Variants in FKBP8 observed in about 807,000 individuals in gnomAD.
FKBP8 encodes FKBP prolyl isomerase 8.
Under a neutral mutation model 41.7 loss-of-function variants are expected in FKBP8, and 5 were observed. The observed-to-expected ratio is 0.12, with a 90% CI of 0.06 to 0.25. The LOEUF (loss-of-function observed/expected upper bound fraction) is 0.25. FKBP8 is among the 10% of genes least tolerant of loss of function. The pLI is 1.00. For missense variants in FKBP8, 397 were observed against 563.0 expected, an observed-to-expected ratio of 0.71 and a Z score of 2.98; for synonymous variants, 279 against 254.5, an observed-to-expected ratio of 1.10 and a Z score of -0.92.
rs1976534694 is a variant in FKBP8 at position 18,534,838 on chromosome 19, AGTGCAGTGGCACGATCT to A, written c.946-1508_946-1492del. Among the ~76,000 whole-genome samples the A allele has an allele frequency of 3.0e-4, 46 of 152,214 alleles. 1 individual carries two copies. The South Asian group carries it at 9.1e-3, about 30-fold the overall frequency. On this transcript the variant is annotated intron_variant, in intron 6 of 8. Coordinates refer to ENST00000608443, the MANE Select transcript of FKBP8 (RefSeq NM_012181.5). Reference sequence around the variant, plus strand: ...GGAGTCTCACTCTCGCCCAGGCTGGAGTGCAGTGGCACGATCTTGGCTCAATGCAAGCTCTGCCTCCC... The same window carrying A: ...GGAGTCTCACTCTCGCCCAGGCTGGATGGCTCAATGCAAGCTCTGCCTCCC...
At chr19:18,534,345 T>C (rs1486941386) in intron 6 of FKBP8, among the ~76,000 whole-genome samples, 1 of 152,148 alleles carries the variant, frequency 6.6e-6, no homozygotes, top group Non-Finnish European at 1.5e-5. Context: ...GCCAGGCTCC[T>C]GGCTACTCAT....
rs538173892 is a variant in FKBP8 at position 18,543,563 on chromosome 19, C to T, written c.-103G>A. On this transcript the variant is annotated 5_prime_UTR_variant, in exon 1 of 9. Transcript: ENST00000608443. ...GCCGCGGCCGCCGCGCCTCGGGAAC[C>T]AGGTTCGGCCGCTTGGCCCCGCCCC... The T allele has an allele frequency of 6.6e-6, 1 of 151,324 alleles. No homozygotes were observed. The highest frequency in any genetic ancestry group is 1.5e-5 in the Non-Finnish European group (1 of 67,782). The allele number at this position is 151,324 out of a possible 1,614,324, so 9.4% of individuals were successfully genotyped here.
Position 18,531,963 on chromosome 19 carries a change from G to A in FKBP8, c.*206C>T. 1 of 585,938 alleles carries A rather than the reference G, an allele frequency of 1.7e-6. No individual in the cohort carries two copies. Among genetic ancestry groups the A allele is most frequent in the Non-Finnish European group, 3.1e-6 (1 of 324,244 alleles). 36.3% of individuals were successfully genotyped at this position (585,938 alleles called of 1,614,324 possible). A position where few individuals can be genotyped will look rare whatever the true frequency, so the allele number is the denominator to read the frequency against. On this transcript the variant is annotated 3_prime_UTR_variant, in exon 9 of 9. Coordinates refer to ENST00000608443, the MANE Select transcript of FKBP8 (RefSeq NM_012181.5). ...AGGGTGGGGGAAAACTGGGTCTGAAGGAATGAGGGCCCCCTCCCTCTGGGC... is the reference window on the plus strand; with the variant it reads ...AGGGTGGGGGAAAACTGGGTCTGAAAGAATGAGGGCCCCCTCCCTCTGGGC...
In FKBP8 at chr19:18,539,427, C is replaced by G. The variant is rs138912633; in HGVS notation, c.495G>C (p.Val165=). ...ALDLSVPLMD[V]GETAMVTADS... ...CAGCAGTGACCATGGCCGTCTCCCC[C>G]ACGTCCATGAGTGGGACACTGAGAT... Residue 165 remains valine (V), a synonymous_variant, in exon 4 of 9, where the codon GTG becomes GTC. Transcript: ENST00000608443. 38 of 1,613,698 alleles carry G rather than the reference C, an allele frequency of 2.4e-5. No homozygotes were observed. Among genetic ancestry groups the G allele is most frequent in the Admixed American group, 2.0e-4 (12 of 60,000 alleles).
rs933580412 is a variant in FKBP8, at chr19:18,531,939, G to A, written c.*230C>T. Reference sequence around the variant, plus strand: ...GAGACCTAGCCCAGCGGGGTAAGGAGGGTGGGGGAAAACTGGGTCTGAAGG... The same window carrying A: ...GAGACCTAGCCCAGCGGGGTAAGGAAGGTGGGGGAAAACTGGGTCTGAAGG... On this transcript the variant is annotated 3_prime_UTR_variant, in exon 9 of 9. Transcript: ENST00000608443. The A allele has an allele frequency of 2.0e-5, 11 of 561,306 alleles. No individual in the cohort carries two copies. Among genetic ancestry groups the A allele is most frequent in the Non-Finnish European group, 3.2e-5 (10 of 310,658 alleles). 34.8% of individuals were successfully genotyped at this position (561,306 alleles called of 1,614,324 possible).
At chr19:18,542,054 C>A in intron 1 of FKBP8, 59 bp from the exon 2 acceptor site, 1 of 1,540,422 alleles carries the variant, frequency 6.5e-7, no homozygotes, top group Non-Finnish European at 8.7e-7. Flanking sequence ...AAAGTCTCCA[C>A]TGTACTGATT....
intron 6 of FKBP8, among the ~76,000 whole-genome samples, chr19:18,533,735 A>G (rs552111872): frequency 1.3e-3 from 204 of 151,272 alleles, no homozygotes; most frequent in Middle Eastern, 6.9e-3. Flanking sequence ...GGTCGGGCGC[A>G]GTGGCTCATG....
Position 18,531,809 on chromosome 19 carries a change from A to G in FKBP8, c.*360T>C, listed in dbSNP as rs1360588581. ...TCACTGTGGCGGGGAGGGAACCTGG[A>G]CAGGGGGCGGCAGGCGGGGTGGGGG... On this transcript the variant is annotated 3_prime_UTR_variant, in exon 9 of 9. Transcript: ENST00000608443. The G allele has an allele frequency of 4.3e-5, 11 of 254,252 alleles. No individual in the cohort carries two copies. The Admixed American group carries it at 5.3e-4, about 12-fold the overall frequency. The allele number at this position is 254,252 out of a possible 1,614,324, so 15.7% of individuals were successfully genotyped here.
In FKBP8 at chr19:18,539,575, A is replaced by G. The variant is rs1379308112; in HGVS notation, c.438T>C (p.Thr146=). 1.2e-6 allele frequency: 2 copies of G among 1,613,232 alleles called. No individual in the cohort carries two copies. Among genetic ancestry groups the G allele is most frequent in the Middle Eastern group, 3.3e-4 (2 of 6,056 alleles). ...CCTGGATGACGTCACAGTCACCCAGAGTGAACACCAGCTCCGGCTCCTCCT... is the reference window on the plus strand; with the variant it reads ...CCTGGATGACGTCACAGTCACCCAGGGTGAACACCAGCTCCGGCTCCTCCT... The part of the protein sequence containing the change: ...RVQEEPELVF[T]LGDCDVIQAL... Residue 146 remains threonine, a synonymous_variant, in exon 3 of 9, where the codon ACT becomes ACC. Transcript: ENST00000608443.
At position 18,541,746 on chromosome 19, in the gene FKBP8, C is replaced by G. The variant is rs774346333; in HGVS notation, c.225G>C (p.Glu75Asp). 8.7e-6 allele frequency: 14 copies of G among 1,613,984 alleles called. No individual in the cohort carries two copies. Among genetic ancestry groups the G allele is most frequent in the Non-Finnish European group, 1.2e-5 (14 of 1,179,990 alleles). Reference sequence around the variant, plus strand: ...GCTCGGGCTCCATGGCAGCAAGGAACTCTCGGGCCAGGGCCCCAGGCTGCT... The same window carrying G: ...GCTCGGGCTCCATGGCAGCAAGGAAGTCTCGGGCCAGGGCCCCAGGCTGCT... ...EAEQPGALAR[E>D]FLAAMEPEPA... Residue 75 changes from glutamate (E) to aspartate (D), a missense_variant, in exon 2 of 9, where the codon GAG becomes GAC. Physicochemically the swap from Glu to Asp is conservative, Grantham distance 45. Transcript: ENST00000608443.
chr19:18,542,934 C>CCG, intron 1 of FKBP8: 1 of 1,262,818 alleles, frequency 7.9e-7, no homozygotes, highest in Non-Finnish European at 1.0e-6. Flanking sequence ...GAGACCCTCC[C>CCG]AGCCCCCACC....
intron 7 of FKBP8, 163 bp from the exon 8 acceptor site, chr19:18,532,958 T>C: frequency 8.3e-7 from 1 of 1,203,174 alleles, no homozygotes; most frequent in Non-Finnish European, 1.1e-6. Context: ...GCTGACCCCA[T>C]CCCTCCTAGG....
At chr19:18,533,687 G>GAGTGCAACCCTGTCTTAAA (rs1275851937) in intron 6 of FKBP8, among the ~76,000 whole-genome samples, 1 of 151,348 alleles carries the variant, frequency 6.6e-6, no homozygotes, top group African/African-American at 2.4e-5. Context: ...CTGGGTGACA[G>GAGTGCAACCCTGTCTTAAA]AGTGCAACCC....
intron 2 of FKBP8, among the ~76,000 whole-genome samples, chr19:18,541,333 T>C (rs1976694937): frequency 6.6e-6 from 1 of 152,100 alleles, no homozygotes; most frequent in Non-Finnish European, 1.5e-5. Context: ...TCAGGACACA[T>C]TTTTCAGAGC....
In FKBP8 at chr19:18,541,830, ATCCTCTTCCTCCTCTTCCTCC is replaced by A; in HGVS notation, c.120_140del (p.Glu40_Glu46del). ...CCAGCGGTGGCAGCTCACTCAGGTC[ATCCTCTTCCTCCTCTTCCTCC>A]TCCTCTTCCTCCTCACCCTCTGCAT... On this transcript the variant is annotated inframe_deletion, in exon 2 of 9. Transcript: ENST00000608443. The A allele has an allele frequency of 6.2e-7, 1 of 1,613,538 alleles. No individual in the cohort carries two copies. Among genetic ancestry groups the A allele is most frequent in the Non-Finnish European group, 8.5e-7 (1 of 1,179,720 alleles).
In FKBP8 at chr19:18,538,345, C is replaced by G; in HGVS notation, c.643G>C (p.Gly215Arg). 1 of 1,613,640 alleles carries G rather than the reference C, an allele frequency of 6.2e-7. No homozygotes were observed. The highest frequency in any genetic ancestry group is 8.5e-7 in the Non-Finnish European group (1 of 1,179,952). ...TTGGCCAGGGCCACGCGCTCCTGCC[C>G]CGTGAGCATCTCCAGGTCAGGCCCG... is the stretch of plus-strand genomic sequence containing the variant. ...VDGPDLEMLT[G>R]QERVALANRK... The change falls in exon 5 of 9, where the codon GGG becomes CGG. Residue 215 changes from glycine (G) to arginine (R), a missense_variant. Transcript: ENST00000608443. This position sits in a 1 kb window ranked among gnomAD's most constrained non-coding sequence, Gnocchi z 4.0.
rs1165932658 is a variant in FKBP8 at position 18,538,808 on chromosome 19, C to CTTTTTT, written c.552-378_552-373dup. On this transcript the variant is annotated intron_variant, in intron 4 of 8. Transcript: ENST00000608443. This position sits in a 1 kb window ranked among gnomAD's most constrained non-coding sequence, Gnocchi z 4.0. ...GACTACAGGTGTGCACCACACCCAG[C>CTTTTTT]TTTTTTTTTTTTTTTTTTTTTTTTT... is the stretch of plus-strand genomic sequence containing the variant. Among the ~76,000 whole-genome samples, 2 of 102,204 alleles carry CTTTTTT rather than the reference C, an allele frequency of 2.0e-5. No individual in the cohort carries two copies. Among genetic ancestry groups the CTTTTTT allele is most frequent in the Non-Finnish European group, 3.6e-5 (2 of 55,792 alleles). The allele number at this position is 102,204 out of a possible 152,430, so 67.0% of individuals were successfully genotyped here. A position where few individuals can be genotyped will look rare whatever the true frequency, so the allele number is the denominator to read the frequency against.
intron 6 of FKBP8, among the ~76,000 whole-genome samples, chr19:18,533,802 C>T (rs1976504936): frequency 6.6e-6 from 1 of 151,370 alleles, no homozygotes. Context: ...GTCAGGAGAT[C>T]AAGACCATCC....
Position 18,532,712 on chromosome 19 carries a change from C to G in FKBP8, c.1107G>C (p.Leu369=). The G allele has an allele frequency of 1.2e-6, 2 of 1,614,126 alleles. No individual in the cohort carries two copies. The highest frequency in any genetic ancestry group is 1.7e-6 in the Non-Finnish European group (2 of 1,180,036). ...STETALYRKM[L]GNPSRLPAKC... is the part of the protein sequence containing the mutation. ...TAGCAGGCAGCCGGCTGGGGTTGCC[C>G]AGCATTTTCCGGTACAAGGCGGTCT... Residue 369 remains leucine (L), a synonymous_variant, in exon 8 of 9, where the codon CTG becomes CTC. Coordinates refer to ENST00000608443, the MANE Select transcript of FKBP8 (RefSeq NM_012181.5).
Sources: allele counts gnomAD v4.1 joint callset (sites outside exome capture counted in the v4.1 genomes callset), GRCh38; gene constraint gnomAD v4.1.1; non-coding constraint Gnocchi (gnomAD v3.1); transcripts MANE v1.5; gene names NCBI Gene and HGNC (gene_info 2026-07-23, HGNC 2026-07-21).